The following PTTG1IP2 variants were observed in gnomAD, a reference collection of about 807,000 sequenced individuals.
PTTG1IP2 encodes the protein PTTG1IP family member 2.
chr7:90,474,528 C>T (rs1185346372), intron 1 of PTTG1IP2, among the ~76,000 whole-genome samples: 2 of 152,182 alleles, frequency 1.3e-5, no homozygotes, highest in African/African-American at 4.8e-5. Context: ...ATACAAAGAG[C>T]AGGAGGGAGT....
chr7:90,501,767 G>A (rs190360071), intron 6 of PTTG1IP2, among the ~76,000 whole-genome samples: 111 of 152,308 alleles, frequency 7.3e-4, no homozygotes, highest in African/African-American at 2.5e-3. Context: ...TTCCGTTGGT[G>A]TTGATGGTTG....
At chr7:90,497,715 T>TAAAAAAAAAAAAAAAAAA (rs1261744146) in intron 6 of PTTG1IP2, among the ~76,000 whole-genome samples, 1 of 56,316 alleles carries the variant, frequency 1.8e-5, no homozygotes, top group Non-Finnish European at 3.2e-5. Flanking sequence ...AGACCCTGTA[T>TAAAAAAAAAAAAAAAAAA]AAAAAAAAAA....
Position 90,494,437 on chromosome 7 carries a change from T to A in PTTG1IP2, c.*50+7T>A, listed in dbSNP as rs1797971063. 1 of 152,196 alleles carries A rather than the reference T, an allele frequency of 6.6e-6. No homozygotes were observed. Among genetic ancestry groups the A allele is most frequent in the Non-Finnish European group, 1.5e-5 (1 of 68,036 alleles). 9.4% of individuals were successfully genotyped at this position (152,196 alleles called of 1,614,324 possible). ...GAAGGAAGTTTCTTCAATGGTAAGGTTTCAAATTATATTGCGTGAATTTTC... is the reference window on the plus strand; with the variant it reads ...GAAGGAAGTTTCTTCAATGGTAAGGATTCAAATTATATTGCGTGAATTTTC... On this transcript the variant is annotated splice_region_variant and intron_variant, in intron 6 of 6. Transcript: ENST00000509356.
chr7:90,513,157 A>C (rs1798208540), intron 6 of PTTG1IP2, 121 bp from the exon 7 acceptor site: 1 of 152,654 alleles, frequency 6.6e-6, no homozygotes, highest in Admixed American at 6.5e-5. Flanking sequence ...GTTGGAAAAC[A>C]TTACATTTCT....
At chr7:90,472,204 A>G (rs1797696725) in intron 1 of PTTG1IP2, among the ~76,000 whole-genome samples, 1 of 152,052 alleles carries the variant, frequency 6.6e-6, no homozygotes, top group Non-Finnish European at 1.5e-5. Flanking sequence ...GCATTAGTAG[A>G]ATGAAAACAA....
chr7:90,476,566 G>A (rs1019770130), intron 1 of PTTG1IP2, among the ~76,000 whole-genome samples: 1 of 151,962 alleles, frequency 6.6e-6, no homozygotes, highest in African/African-American at 2.4e-5. Flanking sequence ...GGAAATAAAG[G>A]AATAAAGAAT....
chr7:90,509,227 G>A (rs1377186534), intron 6 of PTTG1IP2, among the ~76,000 whole-genome samples: 4 of 151,618 alleles, frequency 2.6e-5, no homozygotes, highest in African/African-American at 9.7e-5. Context: ...GTTTAAAGAA[G>A]GAAAGATTCA....
Position 90,490,639 on chromosome 7 carries a change from A to G in PTTG1IP2, c.381-1600A>G, listed in dbSNP as rs964510157. Reference sequence around the variant, plus strand: ...ACACATATACACATACAAATCAGAAAGAAGAACCAATAGGGCACATTACAT... The same window carrying G: ...ACACATATACACATACAAATCAGAAGGAAGAACCAATAGGGCACATTACAT... On this transcript the variant is annotated intron_variant, in intron 4 of 6. Coordinates refer to ENST00000509356, the MANE Select transcript of PTTG1IP2 (RefSeq NM_001365443.2). 2.6e-5 allele frequency among the ~76,000 whole-genome samples: 4 copies of G among 152,250 alleles called. No individual in the cohort carries two copies. In the East Asian group the frequency reaches 7.7e-4, roughly 29 times the overall value.
At chr7:90,507,768 T>C (rs1181768788) in intron 6 of PTTG1IP2, among the ~76,000 whole-genome samples, 1 of 152,194 alleles carries the variant, frequency 6.6e-6, no homozygotes, top group East Asian at 1.9e-4. Flanking sequence ...ATACCATGTA[T>C]AAAGCACTTT....
At chr7:90,487,149 G>A (rs1797883522) in intron 2 of PTTG1IP2, among the ~76,000 whole-genome samples, 178 bp from the exon 3 acceptor site, 1 of 152,126 alleles carries the variant, frequency 6.6e-6, no homozygotes, top group South Asian at 2.1e-4. Context: ...TGCAGCTGAG[G>A]TTTGGATGCA....
chr7:90,499,188 T>A (rs533826661), intron 6 of PTTG1IP2, among the ~76,000 whole-genome samples: 1 of 152,316 alleles, frequency 6.6e-6, no homozygotes, highest in East Asian at 1.9e-4. Flanking sequence ...AGAATAAAGA[T>A]GAGTTATTTA....
chr7:90,486,723 G>C (rs958783207), intron 2 of PTTG1IP2, among the ~76,000 whole-genome samples: 2 of 152,102 alleles, frequency 1.3e-5, no homozygotes, highest in African/African-American at 4.8e-5. Flanking sequence ...AAGAGTGATA[G>C]AGAGATTTTA....
intron 2 of PTTG1IP2, among the ~76,000 whole-genome samples, chr7:90,485,460 T>G (rs1797863130): frequency 6.6e-6 from 1 of 152,114 alleles, no homozygotes. Flanking sequence ...TATAATCAGT[T>G]AAACTAACTC....
chr7:90,503,199 C>A (rs1455487635), intron 6 of PTTG1IP2, among the ~76,000 whole-genome samples: 2 of 152,198 alleles, frequency 1.3e-5, no homozygotes, highest in Non-Finnish European at 2.9e-5. Context: ...AATGTTTCTT[C>A]TGCAGCTTCC....
intron 6 of PTTG1IP2, among the ~76,000 whole-genome samples, chr7:90,509,383 T>C (rs1286772139): frequency 1.3e-5 from 2 of 152,008 alleles, no homozygotes; most frequent in East Asian, 1.9e-4. Flanking sequence ...CTGGTGATCA[T>C]TTAGAAGTAG....
intron 2 of PTTG1IP2, among the ~76,000 whole-genome samples, chr7:90,482,695 C>T (rs1797827036): frequency 6.6e-6 from 1 of 152,160 alleles, no homozygotes; most frequent in African/African-American, 2.4e-5. Flanking sequence ...AGTTCTCAAT[C>T]ATGGTGTCAC....
At chr7:90,490,644 A>C (rs1358028261) in intron 4 of PTTG1IP2, among the ~76,000 whole-genome samples, 1 of 152,164 alleles carries the variant, frequency 6.6e-6, no homozygotes, top group Non-Finnish European at 1.5e-5. Flanking sequence ...CAGAAAGAAG[A>C]ACCAATAGGG....
intron 6 of PTTG1IP2, among the ~76,000 whole-genome samples, chr7:90,511,218 A>C (rs1262544972): frequency 1.3e-5 from 2 of 152,152 alleles, no homozygotes; most frequent in African/African-American, 4.8e-5. Flanking sequence ...GGAAAGTGTA[A>C]GATATAGTGC....
chr7:90,475,488 TAA>T (rs1797738112), intron 1 of PTTG1IP2, among the ~76,000 whole-genome samples: 1 of 152,080 alleles, frequency 6.6e-6, no homozygotes, highest in African/African-American at 2.4e-5. Context: ...CAAACATAGC[TAA>T]AGAGTGAATT....
Sources: gnomAD v4.1 joint callset for allele counts (sites outside exome capture counted in the v4.1 genomes callset) on GRCh38, gnomAD v4.1.1 for gene constraint, MANE v1.5 for transcripts, NCBI Gene and HGNC (gene_info 2026-07-23, HGNC 2026-07-21) for gene names.